Variants in ALMS1 observed in about 807,000 individuals in gnomAD.
The protein encoded by ALMS1 is centrosome-associated protein ALMS1.
In ALMS1, 271 loss-of-function variants were observed where a neutral mutation model predicts 352.2. The ratio of observed to expected loss-of-function variants is 0.77; its 90% confidence interval spans 0.70 to 0.85. The LOEUF (loss-of-function observed/expected upper bound fraction) is 0.85. Among genes scored for constraint, ALMS1 ranks in the 40% least tolerant of loss-of-function variants. ALMS1 has a pLI of 0.00. For synonymous variants in ALMS1, 1,865 were observed against 1,761.2 expected, an observed-to-expected ratio of 1.06 and a Z score of -1.48; for missense variants, 5,445 against 4,870.7, an observed-to-expected ratio of 1.12 and a Z score of -3.51.
At chr2:73,598,465 C>T (rs1238755920) in intron 16 of ALMS1, among the ~76,000 whole-genome samples, 1 of 152,186 alleles carries the variant, frequency 6.6e-6, no homozygotes, top group East Asian at 1.9e-4. Flanking sequence ...CAAAGTATTT[C>T]CTTTCTTCAA....
At chr2:73,579,695 A>G (rs1675132929) in intron 16 of ALMS1, among the ~76,000 whole-genome samples, 1 of 152,142 alleles carries the variant, frequency 6.6e-6, no homozygotes, top group African/African-American at 2.4e-5. Context: ...ATCATTTCAA[A>G]TATGTCATTT....
At chr2:73,502,997 A>T (rs1673247605) in intron 10 of ALMS1, among the ~76,000 whole-genome samples, 2 of 152,164 alleles carry the variant, frequency 1.3e-5, no homozygotes, top group South Asian at 4.1e-4. Flanking sequence ...ACATTCTCCT[A>T]TAGGACCACA....
In ALMS1 at chr2:73,453,897, C is replaced by T. The variant is rs45494894; in HGVS notation, c.7370C>T (p.Thr2457Ile). The T allele has an allele frequency of 6.2e-7, 1 of 1,614,032 alleles. No homozygotes were observed. The highest frequency in any genetic ancestry group is 1.3e-5 in the African/African-American group (1 of 74,996). The part of the protein sequence containing the change: ...FPYVSPKTSI[T>I]DSREEEGVSE... ...TATGTTTCACCCAAGACAAGTATAA[C>T]AGATAGCAGGGAGGAAGAGGGTGTG... Residue 2457 changes from threonine (T) to isoleucine (I), a missense_variant, in exon 8 of 23, where the codon ACA (threonine) becomes ATA (isoleucine). Physicochemically the swap from Thr to Ile is moderately conservative, Grantham distance 89. Transcript: ENST00000613296.
Position 73,432,207 on chromosome 2 carries a change from G to C in ALMS1, c.1348G>C (p.Glu450Gln). The change falls in exon 7 of 23, where the codon GAG (glutamate) becomes CAG (glutamine). Residue 450 changes from glutamate (E) to glutamine (Q), a missense_variant. Physicochemically the swap from Glu to Gln is conservative, Grantham distance 29. Transcript: ENST00000613296. Reference protein sequence around the residue: ...VAELQRKPTRESEYHSSDLRM... With the variant: ...VAELQRKPTRQSEYHSSDLRM... ...ATTTGTTCCACATAAGCCAACAAGA[G>C]AGTCGGAATATCACTCTTCAGATCT... is the stretch of plus-strand genomic sequence containing the variant. The C allele has an allele frequency of 6.2e-7, 1 of 1,612,552 alleles. No homozygotes were observed. The highest frequency in any genetic ancestry group is 8.5e-7 in the Non-Finnish European group (1 of 1,178,762).
chr2:73,581,789 G>T (rs1284190910), intron 16 of ALMS1, among the ~76,000 whole-genome samples: 1 of 150,720 alleles, frequency 6.6e-6, no homozygotes, highest in African/African-American at 2.4e-5. Context: ...CTATTGCCCA[G>T]CCTGGAGTGC....
intron 10 of ALMS1, among the ~76,000 whole-genome samples, chr2:73,512,092 G>A (rs529283231): frequency 6.6e-5 from 10 of 152,032 alleles, no homozygotes; most frequent in African/African-American, 2.4e-4. Flanking sequence ...TTGAGATGGA[G>A]TCTCACTCTG....
At chr2:73,523,349 C>T (rs1057496601) in intron 11 of ALMS1, among the ~76,000 whole-genome samples, 9 of 152,180 alleles carry the variant, frequency 5.9e-5, no homozygotes, top group Non-Finnish European at 8.8e-5. Context: ...TGTCTCATTT[C>T]CTTCATTTGG....
At chr2:73,547,191 AT>A (rs1425649640) in intron 12 of ALMS1, among the ~76,000 whole-genome samples, 1 of 152,174 alleles carries the variant, frequency 6.6e-6, no homozygotes, top group Non-Finnish European at 1.5e-5. Flanking sequence ...GGGCTAGGTT[AT>A]GATGCTTGGT....
intron 6 of ALMS1, among the ~76,000 whole-genome samples, chr2:73,430,065 T>C (rs958791522): frequency 4.6e-5 from 7 of 151,910 alleles, no homozygotes; most frequent in Admixed American, 1.3e-4. Context: ...ACATTTTCTT[T>C]TGTATTACCT....
intron 13 of ALMS1, among the ~76,000 whole-genome samples, chr2:73,554,098 A>C (rs1265906229): frequency 6.6e-6 from 1 of 152,146 alleles, no homozygotes; most frequent in African/African-American, 2.4e-5. Context: ...TTTAAAACAT[A>C]TACATTGTTA....
chr2:73,395,165 A>G (rs938709764), intron 1 of ALMS1, among the ~76,000 whole-genome samples: 8 of 139,892 alleles, frequency 5.7e-5, no homozygotes, highest in East Asian at 2.1e-4. Context: ...CACTGCAACC[A>G]CCGCTTCCCA....
rs566963146 is a variant in ALMS1 at position 73,603,676 on chromosome 2, A to G, written c.12362+372A>G. The G allele has an allele frequency of 1.9e-3, 533 of 279,636 alleles. 1 individual carries two copies. The highest frequency in any genetic ancestry group is 5.6e-3 in the Middle Eastern group (4 of 714). 17.3% of individuals were successfully genotyped at this position (279,636 alleles called of 1,614,324 possible). A position where few individuals can be genotyped will look rare whatever the true frequency, so the allele number is the denominator to read the frequency against. On this transcript the variant is annotated intron_variant, in intron 21 of 22. Transcript: ENST00000613296. ...GGAGTTCGAGACCAGCCTGGCCAACATGGTGAAACTCCATCTCTACTCAAA... is the reference window on the plus strand; with the variant it reads ...GGAGTTCGAGACCAGCCTGGCCAACGTGGTGAAACTCCATCTCTACTCAAA...
chr2:73,438,728 A>G (rs1238042730), intron 7 of ALMS1, among the ~76,000 whole-genome samples: 1 of 152,236 alleles, frequency 6.6e-6, no homozygotes, highest in East Asian at 1.9e-4. Flanking sequence ...AAAGAGGCCA[A>G]TAGAAAATAT....
chr2:73,553,653 ACAAT>A (rs1226699743), intron 13 of ALMS1, among the ~76,000 whole-genome samples: 3 of 152,214 alleles, frequency 2.0e-5, no homozygotes, highest in Non-Finnish European at 2.9e-5. Flanking sequence ...AATTATATAA[ACAAT>A]CATATGTAAA....
intron 1 of ALMS1, among the ~76,000 whole-genome samples, chr2:73,392,394 A>G (rs1021973903): frequency 3.3e-5 from 5 of 152,020 alleles, no homozygotes; most frequent in Admixed American, 2.6e-4. Context: ...CCTTTAATTT[A>G]AAGTGCACAA....
intron 2 of ALMS1, among the ~76,000 whole-genome samples, chr2:73,416,798 G>GAATT (rs34683891): frequency 0.87 from 132,353 of 151,842 alleles, 57,763 homozygotes; most frequent in Admixed American, 0.92. Flanking sequence ...CAAATTGAAT[G>GAATT]AATTATTTAA....
At chr2:73,395,842 G>A (rs182440925) in intron 1 of ALMS1, among the ~76,000 whole-genome samples, 2 of 152,262 alleles carry the variant, frequency 1.3e-5, no homozygotes, top group African/African-American at 4.8e-5. Context: ...AGGGGTAAGA[G>A]TGTATATGCT....
At position 73,453,241 on chromosome 2, in the gene ALMS1, T is replaced by G; in HGVS notation, c.6714T>G (p.Ser2238=). 1 of 1,614,000 alleles carries G rather than the reference T, an allele frequency of 6.2e-7. No individual in the cohort carries two copies. The highest frequency in any genetic ancestry group is 1.1e-5 in the South Asian group (1 of 91,072). Reference sequence around the variant, plus strand: ...GAGTTGTAATAAATAAACCAGAATCTGCAGGTTTTAGAGATGTTGGCTCTG... The same window carrying G: ...GAGTTGTAATAAATAAACCAGAATCGGCAGGTTTTAGAGATGTTGGCTCTG... ...DDRVVINKPE[S]AGFRDVGSEE... The change falls in exon 8 of 23, where the codon TCT becomes TCG. Residue 2238 remains serine, a synonymous_variant. Transcript: ENST00000613296.
chr2:73,540,048 C>G (rs1357541564), intron 12 of ALMS1, among the ~76,000 whole-genome samples: 1 of 152,120 alleles, frequency 6.6e-6, no homozygotes, highest in East Asian at 1.9e-4. Flanking sequence ...TCGAGAAGAG[C>G]AACTCCAAGA....
Sources: allele counts gnomAD v4.1 joint callset (sites outside exome capture counted in the v4.1 genomes callset), GRCh38; gene constraint gnomAD v4.1.1; transcripts MANE v1.5; gene names NCBI Gene and HGNC (gene_info 2026-07-23, HGNC 2026-07-21).